RGS20: variants seen among roughly 807,000 people sequenced by gnomAD.
RGS20 encodes gz-selective GTPase-activating protein.
In RGS20, 30 loss-of-function variants were observed where a neutral mutation model predicts 33.6. That is an observed-to-expected ratio of 0.89 (90% confidence interval 0.67 to 1.21). The LOEUF is 1.21. Among genes scored for constraint, RGS20 ranks in the 50% most tolerant of loss-of-function variants. RGS20 has a pLI of 0.00. For missense variants in RGS20, 472 were observed against 502.4 expected (o/e 0.94, Z 0.58); for synonymous variants, 208 against 197.9 (o/e 1.05, Z -0.43).
At chr8:53,879,793 C>T (rs1032819887) in intron 2 of RGS20, 8 of 484,232 alleles carry the variant, frequency 1.7e-5, no homozygotes, top group Non-Finnish European at 2.8e-5. Context: ...GACACCGCCC[C>T]TCCCCGCGGG....
intron 1 of RGS20, among the ~76,000 whole-genome samples, chr8:53,864,524 TC>T (rs1811880004): frequency 6.6e-6 from 1 of 151,690 alleles, no homozygotes; most frequent in Admixed American, 6.6e-5. Context: ...CTGTGCTGCC[TC>T]CCGGGAACCC....
chr8:53,949,935 G>A lies in RGS20; in HGVS notation c.743+3187G>A, dbSNP rs551810599. Among the ~76,000 whole-genome samples the A allele has an allele frequency of 3.3e-5, 5 of 151,736 alleles. No homozygotes were observed. In the South Asian group the frequency reaches 1.0e-3, roughly 32 times the overall value. On this transcript the variant is annotated intron_variant, in intron 4 of 5. Coordinates refer to ENST00000297313, the MANE Select transcript of RGS20 (RefSeq NM_170587.4). ...ACTCACTGCAACCTCTGCCTCCTGG[G>A]TTCAAGCGATTCTCATGCCTTAGCC...
At chr8:53,946,061 G>A (rs1814467532) in intron 3 of RGS20, among the ~76,000 whole-genome samples, 1 of 152,126 alleles carries the variant, frequency 6.6e-6, no homozygotes, top group Non-Finnish European at 1.5e-5. Flanking sequence ...TTTTGATTAT[G>A]CACTTTATTT....
chr8:53,890,306 A>T (rs1812678242), intron 2 of RGS20, among the ~76,000 whole-genome samples: 2 of 152,084 alleles, frequency 1.3e-5, no homozygotes, highest in South Asian at 4.1e-4. Context: ...TGCCAATTTG[A>T]TTCATTTTAA....
intron 2 of RGS20, chr8:53,914,954 G>C (rs1214008134): frequency 1.3e-5 from 2 of 152,220 alleles, no homozygotes; most frequent in Non-Finnish European, 2.9e-5. Context: ...AGGCCATCCT[G>C]GCCAACATGG....
At chr8:53,923,679 G>A (rs1005249869) in intron 2 of RGS20, among the ~76,000 whole-genome samples, 1 of 152,218 alleles carries the variant, frequency 6.6e-6, no homozygotes, top group South Asian at 2.1e-4. Context: ...TGGAGAGAGG[G>A]TCTACGTCCC....
At chr8:53,953,059 T>G (rs1312552867) in intron 4 of RGS20, among the ~76,000 whole-genome samples, 1 of 152,124 alleles carries the variant, frequency 6.6e-6, no homozygotes, top group Non-Finnish European at 1.5e-5. Context: ...GAAAGGTGGA[T>G]GGGAGGGTGG....
chr8:53,920,330 G>T (rs1813606267), intron 2 of RGS20, among the ~76,000 whole-genome samples: 1 of 152,038 alleles, frequency 6.6e-6, no homozygotes, highest in African/African-American at 2.4e-5. Flanking sequence ...CACTGCTAGT[G>T]TACAGAAATA....
chr8:53,902,231 G>A (rs373282326), intron 2 of RGS20, among the ~76,000 whole-genome samples: 6 of 152,108 alleles, frequency 3.9e-5, no homozygotes, highest in African/African-American at 7.2e-5. Flanking sequence ...TGCCCAGGCC[G>A]GTCTCAACTC....
chr8:53,881,184 T>C lies in RGS20; in HGVS notation c.510+1582T>C, dbSNP rs1393440912. On this transcript the variant is annotated intron_variant, in intron 2 of 5. Coordinates refer to ENST00000297313, the MANE Select transcript of RGS20 (RefSeq NM_170587.4). The stretch of plus-strand genomic sequence containing the variant: ...GAGGCTGGGAGGGGCGCGCCGCTCG[T>C]CCGGACCTCAGGGTGTCGCCGTTGC... The C allele has an allele frequency of 2.1e-5, 18 of 877,154 alleles. No individual in the cohort carries two copies. The Admixed American group carries it at 6.3e-4, about 31-fold the overall frequency. 54.3% of individuals were successfully genotyped at this position (877,154 alleles called of 1,614,324 possible).
intron 2 of RGS20, among the ~76,000 whole-genome samples, chr8:53,896,198 G>A (rs1812855617): frequency 6.6e-6 from 1 of 152,160 alleles, no homozygotes; most frequent in African/African-American, 2.4e-5. Context: ...AGGATCACTT[G>A]AGCCCAGGAG....
intron 5 of RGS20, 142 bp downstream of exon 4, chr8:53,954,452 T>G (rs538003355): frequency 1.8e-6 from 1 of 569,236 alleles, no homozygotes; most frequent in Non-Finnish European, 3.2e-6. Context: ...TCACCTGAGG[T>G]GAGGAGTTGG....
At chr8:53,889,120 C>CAAAACTGTTT (rs1328749220) in intron 2 of RGS20, among the ~76,000 whole-genome samples, 1 of 152,176 alleles carries the variant, frequency 6.6e-6, no homozygotes, top group Non-Finnish European at 1.5e-5. Context: ...GTAGATACTG[C>CAAAACTGTTT]AAAACTGTTT....
intron 1 of RGS20, among the ~76,000 whole-genome samples, chr8:53,866,633 C>T (rs1220403686): frequency 1.3e-5 from 2 of 152,092 alleles, no homozygotes; most frequent in Non-Finnish European, 2.9e-5. Flanking sequence ...CCACCTGCCT[C>T]GGCCTCTCAA....
chr8:53,889,265 T>C (rs1473662640), intron 2 of RGS20, among the ~76,000 whole-genome samples: 1 of 152,098 alleles, frequency 6.6e-6, no homozygotes, highest in African/African-American at 2.4e-5. Context: ...TCATTATGGT[T>C]TTAATTTGTA....
intron 2 of RGS20, among the ~76,000 whole-genome samples, chr8:53,910,807 A>C (rs1813328965): frequency 6.6e-6 from 1 of 152,248 alleles, no homozygotes; most frequent in Non-Finnish European, 1.5e-5. Flanking sequence ...CATTACGCTA[A>C]GTGAAAGAAG....
At chr8:53,904,507 T>C (rs1258223983) in intron 2 of RGS20, among the ~76,000 whole-genome samples, 1 of 152,224 alleles carries the variant, frequency 6.6e-6, no homozygotes, top group Non-Finnish European at 1.5e-5. Flanking sequence ...TTGCAATAAC[T>C]ACGCAGAAAT....
intron 2 of RGS20, among the ~76,000 whole-genome samples, chr8:53,886,801 C>CT (rs1299523278): frequency 1.3e-5 from 2 of 152,182 alleles, no homozygotes; most frequent in Admixed American, 1.3e-4. Context: ...ACACTGGGGA[C>CT]TTTAACCCTT....
intron 2 of RGS20, among the ~76,000 whole-genome samples, chr8:53,894,735 C>G (rs1812806076): frequency 6.6e-6 from 1 of 152,210 alleles, no homozygotes; most frequent in African/African-American, 2.4e-5. Context: ...GGCAACCTCC[C>G]TGAAGCTGAG....
Sources: gnomAD v4.1 joint callset for allele counts (sites outside exome capture counted in the v4.1 genomes callset) on GRCh38, gnomAD v4.1.1 for gene constraint, MANE v1.5 for transcripts, NCBI Gene and HGNC (gene_info 2026-07-23, HGNC 2026-07-21) for gene names.